EMC6: variants seen among roughly 807,000 people sequenced by gnomAD.
EMC6 encodes the protein ER membrane protein complex subunit 6.
A neutral mutation model predicts 6.5 loss-of-function variants in EMC6; 1 was observed. That is an observed-to-expected ratio of 0.15 (90% CI 0.05 to 0.73). The LOEUF (loss-of-function observed/expected upper bound fraction) is 0.73, where lower values mean the gene tolerates loss of function less well. Ranked by LOEUF, EMC6 falls within the 30% of genes least tolerant of loss-of-function variation. EMC6 has a pLI of 0.78. For missense variants in EMC6, 114 were observed against 146.7 expected, an observed-to-expected ratio of 0.78 and a Z score of 1.15; for synonymous variants, 96 against 74.3, an observed-to-expected ratio of 1.29 and a Z score of -1.50.
chr17:3,668,832 G>A lies in EMC6; in HGVS notation c.-117G>A. On this transcript the variant is annotated 5_prime_UTR_variant, in exon 1 of 2. Coordinates refer to ENST00000248378, the MANE Select transcript of EMC6 (RefSeq NM_031298.4). This position sits in a 1 kb window ranked among gnomAD's most constrained non-coding sequence, Gnocchi z 4.1. ...CCGGCAGTCTTCCGAGCAAGATGGCGCCGCGGGCATTTCTTCCACTGCCCG... is the reference window on the plus strand; with the variant it reads ...CCGGCAGTCTTCCGAGCAAGATGGCACCGCGGGCATTTCTTCCACTGCCCG... 2.0e-6 allele frequency: 1 copy of A among 508,720 alleles called. No individual in the cohort carries two copies. Among genetic ancestry groups the A allele is most frequent in the Non-Finnish European group, 3.4e-6 (1 of 290,624 alleles). 31.5% of individuals were successfully genotyped at this position (508,720 alleles called of 1,614,324 possible).
rs1038271648 is a variant in EMC6 at position 3,669,036 on chromosome 17, G to A, written c.-49-62G>A. 5.9e-4 allele frequency: 604 copies of A among 1,016,348 alleles called. 7 individuals are homozygous for A. The highest frequency in any genetic ancestry group is 1.2e-4 in the Non-Finnish European group (87 of 719,654). The allele number at this position is 1,016,348 out of a possible 1,614,324, so 63.0% of individuals were successfully genotyped here. A position where few individuals can be genotyped will look rare whatever the true frequency, so the allele number is the denominator to read the frequency against. ...AGGTCTCGGAAGCTCCAGGGGGAGG[G>A]GGCGGCGTGAACCCAACTCACCGAG... On this transcript the variant is annotated intron_variant, in intron 1 of 1. Coordinates refer to ENST00000248378, the MANE Select transcript of EMC6 (RefSeq NM_031298.4).
In EMC6 at chr17:3,669,563, C is replaced by G. The variant is rs1376829308; in HGVS notation, c.*84C>G. ...TAACACCATGTAGACTTCCTTAGTTCTTAAGTGGTTGAATTCGCTGCTTGT... is the reference window on the plus strand; with the variant it reads ...TAACACCATGTAGACTTCCTTAGTTGTTAAGTGGTTGAATTCGCTGCTTGT... On this transcript the variant is annotated 3_prime_UTR_variant, in exon 2 of 2. Coordinates refer to ENST00000248378, the MANE Select transcript of EMC6 (RefSeq NM_031298.4). 2 of 1,129,584 alleles carry G rather than the reference C, an allele frequency of 1.8e-6. No individual in the cohort carries two copies. The highest frequency in any genetic ancestry group is 1.3e-6 in the Non-Finnish European group (1 of 798,280). 70.0% of individuals were successfully genotyped at this position (1,129,584 alleles called of 1,614,324 possible). A position where few individuals can be genotyped will look rare whatever the true frequency, so the allele number is the denominator to read the frequency against.
Position 3,669,146 on chromosome 17 carries a change from G to C in EMC6, c.-1G>C, listed in dbSNP as rs902621534. The C allele has an allele frequency of 1.3e-6, 2 of 1,515,210 alleles. No homozygotes were observed. The allele number at this position is 1,515,210 out of a possible 1,614,324, so 93.9% of individuals were successfully genotyped here. A position where few individuals can be genotyped will look rare whatever the true frequency, so the allele number is the denominator to read the frequency against. The stretch of plus-strand genomic sequence containing the variant: ...CGAGAGGCCGAGCCCGGGCTGGTGC[G>C]ATGGCCGCGGTGGTGGCCAAGCGGG... On this transcript the variant is annotated 5_prime_UTR_variant, in exon 2 of 2. Coordinates refer to ENST00000248378, the MANE Select transcript of EMC6 (RefSeq NM_031298.4).
intron 1 of EMC6, 57 bp from the exon 2 acceptor site, chr17:3,669,041 G>T (rs2049970513): frequency 9.2e-7 from 1 of 1,087,858 alleles, no homozygotes; most frequent in East Asian, 2.6e-5. Flanking sequence ...GGAGGGGGCG[G>T]CGTGAACCCA....
Position 3,669,185 on chromosome 17 carries a change from C to T in EMC6, c.39C>T (p.Phe13=). 3 of 1,571,350 alleles carry T rather than the reference C, an allele frequency of 1.9e-6. No individual in the cohort carries two copies. The highest frequency in any genetic ancestry group is 2.6e-6 in the Non-Finnish European group (3 of 1,158,088). ...AVVAKREGPP[F]ISEAAVRGNA... ...TGGCCAAGCGGGAAGGGCCGCCGTT[C>T]ATCAGCGAGGCGGCCGTGCGGGGCA... The change falls in exon 2 of 2, where the codon TTC becomes TTT. Residue 13 remains phenylalanine (F), a synonymous_variant. Transcript: ENST00000248378.
Position 3,669,413 on chromosome 17 carries a change from C to T in EMC6, c.267C>T (p.Leu89=), listed in dbSNP as rs1183918634. The part of the protein sequence containing the change: ...KSRRPLFTGG[L]IGGLFTYVLF... ...GGAGACCTCTCTTTACAGGAGGCCTCATCGGGGGCCTCTTCACCTACGTCC... is the reference window on the plus strand; with the variant it reads ...GGAGACCTCTCTTTACAGGAGGCCTTATCGGGGGCCTCTTCACCTACGTCC... Residue 89 remains leucine, a synonymous_variant, in exon 2 of 2, where the codon CTC becomes CTT. Transcript: ENST00000248378. 1.2e-6 allele frequency: 2 copies of T among 1,613,966 alleles called. No homozygotes were observed. Among genetic ancestry groups the T allele is most frequent in the Non-Finnish European group, 1.7e-6 (2 of 1,180,028 alleles).
At position 3,668,906 on chromosome 17, in the gene EMC6, G is replaced by A; in HGVS notation, c.-50+7G>A. On this transcript the variant is annotated splice_region_variant and intron_variant, in intron 1 of 1. Coordinates refer to ENST00000248378, the MANE Select transcript of EMC6 (RefSeq NM_031298.4). The surrounding 1 kb of genome is among the most constrained non-coding windows in gnomAD (Gnocchi z 4.1). ...GTCCGGCGCCGTGTTCCAGGTAACTGGGCCACCGTGGCCGGGGAACGCAGA... is the reference window on the plus strand; with the variant it reads ...GTCCGGCGCCGTGTTCCAGGTAACTAGGCCACCGTGGCCGGGGAACGCAGA... 1 of 560,224 alleles carries A rather than the reference G, an allele frequency of 1.8e-6. No individual in the cohort carries two copies. Among genetic ancestry groups the A allele is most frequent in the Non-Finnish European group, 3.1e-6 (1 of 321,642 alleles). 34.7% of individuals were successfully genotyped at this position (560,224 alleles called of 1,614,324 possible).
In EMC6 at chr17:3,668,960, C is replaced by T. The variant is rs1457613739; in HGVS notation, c.-50+61C>T. ...GCCACCACCTCCCGGCCGGCCCGGACCCTCAATCTCCTCGGCGTCTTTGGA... is the reference window on the plus strand; with the variant it reads ...GCCACCACCTCCCGGCCGGCCCGGATCCTCAATCTCCTCGGCGTCTTTGGA... On this transcript the variant is annotated intron_variant, in intron 1 of 1. Coordinates refer to ENST00000248378, the MANE Select transcript of EMC6 (RefSeq NM_031298.4). The surrounding 1 kb of genome is among the most constrained non-coding windows in gnomAD (Gnocchi z 4.1). The T allele has an allele frequency of 4.8e-6, 3 of 621,016 alleles. No individual in the cohort carries two copies. The highest frequency in any genetic ancestry group is 5.9e-5 in the East Asian group (2 of 33,690). The allele number at this position is 621,016 out of a possible 1,614,324, so 38.5% of individuals were successfully genotyped here.
rs1567724089 is a variant in EMC6, at chr17:3,669,341, C to T, written c.195C>T (p.Leu65=). The change falls in exon 2 of 2, where the codon CTC becomes CTT. Residue 65 remains leucine (L), a synonymous_variant. Coordinates refer to ENST00000248378, the MANE Select transcript of EMC6 (RefSeq NM_031298.4). ...TCGCCTCCGTCCTGCTCTCCCTGCT[C>T]CTCATTCTCAAGGCGGGAAGGAGGT... The part of the protein sequence containing the change: ...YLLASVLLSL[L]LILKAGRRWN... 1.2e-6 allele frequency: 2 copies of T among 1,614,204 alleles called. No individual in the cohort carries two copies. The highest frequency in any genetic ancestry group is 1.7e-5 in the Admixed American group (1 of 60,032).
In EMC6 at chr17:3,669,569, T is replaced by A; in HGVS notation, c.*90T>A. On this transcript the variant is annotated 3_prime_UTR_variant, in exon 2 of 2. Transcript: ENST00000248378. ...CATGTAGACTTCCTTAGTTCTTAAG[T>A]GGTTGAATTCGCTGCTTGTTCTGTA... is the stretch of plus-strand genomic sequence containing the variant. 9.5e-7 allele frequency: 1 copy of A among 1,050,126 alleles called. No homozygotes were observed. Among genetic ancestry groups the A allele is most frequent in the Non-Finnish European group, 1.4e-6 (1 of 729,050 alleles). 65.1% of individuals were successfully genotyped at this position (1,050,126 alleles called of 1,614,324 possible).
Position 3,669,629 on chromosome 17 carries a change from C to T in EMC6, c.*150C>T, listed in dbSNP as rs1004511970. On this transcript the variant is annotated 3_prime_UTR_variant, in exon 2 of 2. Coordinates refer to ENST00000248378, the MANE Select transcript of EMC6 (RefSeq NM_031298.4). ...ATAATTTATATCTGAAGACGGAGAGCCTGTAATATTCTTCAGATTAAATGA... is the reference window on the plus strand; with the variant it reads ...ATAATTTATATCTGAAGACGGAGAGTCTGTAATATTCTTCAGATTAAATGA... 2.7e-5 allele frequency: 17 copies of T among 639,076 alleles called. No homozygotes were observed. The highest frequency in any genetic ancestry group is 6.9e-5 in the Admixed American group (2 of 29,120). 39.6% of individuals were successfully genotyped at this position (639,076 alleles called of 1,614,324 possible). A position where few individuals can be genotyped will look rare whatever the true frequency, so the allele number is the denominator to read the frequency against.
At chr17:3,669,033 AG>A in intron 1 of EMC6, 64 bp from the exon 2 acceptor site, 1 of 956,544 alleles carries the variant, frequency 1.0e-6, no homozygotes. Flanking sequence ...CTCCAGGGGG[AG>A]GGGGCGGCGT....
In EMC6 at chr17:3,669,526, G is replaced by C; in HGVS notation, c.*47G>C. The C allele has an allele frequency of 6.7e-7, 1 of 1,500,346 alleles. No individual in the cohort carries two copies. Among genetic ancestry groups the C allele is most frequent in the Non-Finnish European group, 9.0e-7 (1 of 1,108,624 alleles). The allele number at this position is 1,500,346 out of a possible 1,614,324, so 92.9% of individuals were successfully genotyped here. ...TTTAAAAAACCAGATCGGGAGGACTGTGGCCAGCAATTAACACCATGTAGA... is the reference window on the plus strand; with the variant it reads ...TTTAAAAAACCAGATCGGGAGGACTCTGGCCAGCAATTAACACCATGTAGA... On this transcript the variant is annotated 3_prime_UTR_variant, in exon 2 of 2. Coordinates refer to ENST00000248378, the MANE Select transcript of EMC6 (RefSeq NM_031298.4).
Position 3,669,435 on chromosome 17 carries a change from G to C in EMC6, c.289G>C (p.Val97Leu). 3.7e-6 allele frequency: 6 copies of C among 1,613,706 alleles called. No homozygotes were observed. The highest frequency in any genetic ancestry group is 4.2e-6 in the Non-Finnish European group (5 of 1,179,952). ...GGLIGGLFTY[V>L]LFWTFLYGMV... ...CCTCATCGGGGGCCTCTTCACCTAC[G>C]TCCTGTTCTGGACGTTCCTCTACGG... Residue 97 changes from valine (V) to leucine (L), a missense_variant, in exon 2 of 2, where the codon GTC (valine) becomes CTC (leucine). Coordinates refer to ENST00000248378, the MANE Select transcript of EMC6 (RefSeq NM_031298.4).
Position 3,668,897 on chromosome 17 carries a change from C to T in EMC6, c.-52C>T. 1 of 557,544 alleles carries T rather than the reference C, an allele frequency of 1.8e-6. No homozygotes were observed. Among genetic ancestry groups the T allele is most frequent in the South Asian group, 2.5e-5 (1 of 39,640 alleles). The allele number at this position is 557,544 out of a possible 1,614,324, so 34.5% of individuals were successfully genotyped here. On this transcript the variant is annotated splice_region_variant and 5_prime_UTR_variant, in exon 1 of 2. Coordinates refer to ENST00000248378, the MANE Select transcript of EMC6 (RefSeq NM_031298.4). The surrounding 1 kb of genome is among the most constrained non-coding windows in gnomAD (Gnocchi z 4.1). ...AAGTAGTGTGTCCGGCGCCGTGTTC[C>T]AGGTAACTGGGCCACCGTGGCCGGG...
chr17:3,669,135 C>G lies in EMC6; in HGVS notation c.-12C>G, dbSNP rs1367662544. 1 of 1,495,488 alleles carries G rather than the reference C, an allele frequency of 6.7e-7. No homozygotes were observed. The highest frequency in any genetic ancestry group is 1.3e-5 in the South Asian group (1 of 78,536). The allele number at this position is 1,495,488 out of a possible 1,614,324, so 92.6% of individuals were successfully genotyped here. A position where few individuals can be genotyped will look rare whatever the true frequency, so the allele number is the denominator to read the frequency against. On this transcript the variant is annotated 5_prime_UTR_variant, in exon 2 of 2. Coordinates refer to ENST00000248378, the MANE Select transcript of EMC6 (RefSeq NM_031298.4). ...CCGCGAGAAAGCGAGAGGCCGAGCC[C>G]GGGCTGGTGCGATGGCCGCGGTGGT...
Position 3,669,595 on chromosome 17 carries a change from A to G in EMC6, c.*116A>G. 1.3e-6 allele frequency: 1 copy of G among 765,936 alleles called. No individual in the cohort carries two copies. The highest frequency in any genetic ancestry group is 2.1e-6 in the Non-Finnish European group (1 of 485,752). The allele number at this position is 765,936 out of a possible 1,614,324, so 47.4% of individuals were successfully genotyped here. On this transcript the variant is annotated 3_prime_UTR_variant, in exon 2 of 2. Transcript: ENST00000248378. ...GGTTGAATTCGCTGCTTGTTCTGTA[A>G]CGTTATAAATAATTTATATCTGAAG...
Position 3,669,168 on chromosome 17 carries a change from C to A in EMC6, c.22C>A (p.Arg8=). The change falls in exon 2 of 2, where the codon CGG becomes AGG. Residue 8 remains arginine, a synonymous_variant. Transcript: ENST00000248378. MAAVVAK[R]EGPPFISEAA... is the part of the protein sequence containing the mutation. ...TGCGATGGCCGCGGTGGTGGCCAAG[C>A]GGGAAGGGCCGCCGTTCATCAGCGA... 1.3e-6 allele frequency: 2 copies of A among 1,544,716 alleles called. No homozygotes were observed. The highest frequency in any genetic ancestry group is 2.3e-5 in the South Asian group (2 of 85,524).
In EMC6 at chr17:3,669,628, G is replaced by T; in HGVS notation, c.*149G>T. ...AATAATTTATATCTGAAGACGGAGA[G>T]CCTGTAATATTCTTCAGATTAAATG... On this transcript the variant is annotated 3_prime_UTR_variant, in exon 2 of 2. Transcript: ENST00000248378. 1 of 644,818 alleles carries T rather than the reference G, an allele frequency of 1.6e-6. No individual in the cohort carries two copies. Among genetic ancestry groups the T allele is most frequent in the Non-Finnish European group, 2.6e-6 (1 of 385,826 alleles). The allele number at this position is 644,818 out of a possible 1,614,324, so 39.9% of individuals were successfully genotyped here. A position where few individuals can be genotyped will look rare whatever the true frequency, so the allele number is the denominator to read the frequency against.
Sources: allele counts gnomAD v4.1 joint callset, GRCh38; gene constraint gnomAD v4.1.1; non-coding constraint Gnocchi (gnomAD v3.1); transcripts MANE v1.5; gene names NCBI Gene and HGNC (gene_info 2026-07-23, HGNC 2026-07-21).